Variants in MAST4 observed in about 807,000 individuals in gnomAD.
MAST4 encodes microtubule associated serine/threonine kinase family member 4, also known as microtubule-associated serine/threonine-protein kinase 4.
Under a neutral mutation model 162.7 loss-of-function variants are expected in MAST4, and 89 were observed. The ratio of observed to expected loss-of-function variants is 0.55; its 90% CI spans 0.46 to 0.65. The LOEUF (loss-of-function observed/expected upper bound fraction) is 0.65. Ranked by LOEUF, MAST4 falls within the 30% of genes least tolerant of loss-of-function variation. The pLI, the probability that MAST4 is intolerant of heterozygous loss-of-function variation, is 0.00. For missense variants in MAST4, 3,153 were observed against 3,374.0 expected, an observed-to-expected ratio of 0.93 and a Z score of 1.62; for synonymous variants, 1,479 against 1,361.1, an observed-to-expected ratio of 1.09 and a Z score of -1.91.
chr5:67,026,796 AT>A (rs1364438837), intron 4 of MAST4, among the ~76,000 whole-genome samples: 2 of 152,086 alleles, frequency 1.3e-5, no homozygotes, highest in Admixed American at 1.3e-4. Context: ...AAAACAATTC[AT>A]TTTTTAATGA....
At chr5:66,974,324 G>A (rs1036646523) in intron 4 of MAST4, among the ~76,000 whole-genome samples, 10 of 152,182 alleles carry the variant, frequency 6.6e-5, no homozygotes, top group Non-Finnish European at 1.3e-4. Context: ...ACAACTACTT[G>A]TTATAGAAAT....
chr5:66,885,905 T>C (rs528354626), intron 3 of MAST4, among the ~76,000 whole-genome samples: 1 of 152,336 alleles, frequency 6.6e-6, no homozygotes, highest in Admixed American at 6.5e-5. Flanking sequence ...AGAATAATAA[T>C]CTAGTATTAG....
chr5:67,012,118 T>A (rs1185435104), intron 4 of MAST4, among the ~76,000 whole-genome samples: 1 of 152,178 alleles, frequency 6.6e-6, no homozygotes, highest in South Asian at 2.1e-4. Flanking sequence ...ATGGTTTTGC[T>A]TGCTTCTCTT....
intron 4 of MAST4, chr5:67,005,085 G>A (rs1751840236): frequency 1.3e-6 from 1 of 758,332 alleles, no homozygotes; most frequent in Non-Finnish European, 2.5e-6. Flanking sequence ...CGAACACAAA[G>A]GTAAAAACGC....
chr5:66,907,587 C>CGTGTGTGTGT (rs59273615), intron 4 of MAST4, among the ~76,000 whole-genome samples: 3 of 144,238 alleles, frequency 2.1e-5, no homozygotes, highest in East Asian at 2.1e-4. Flanking sequence ...TAGGTTGATG[C>CGTGTGTGTGT]GTGTGTGTGT....
At chr5:66,692,777 C>A (rs12516479) in intron 1 of MAST4, among the ~76,000 whole-genome samples, 1 of 151,850 alleles carries the variant, frequency 6.6e-6, no homozygotes, top group Admixed American at 6.6e-5. Flanking sequence ...TTGCTATGTC[C>A]TCACTTGGTG....
At chr5:66,720,923 G>A (rs920396726) in intron 1 of MAST4, among the ~76,000 whole-genome samples, 6 of 152,076 alleles carry the variant, frequency 3.9e-5, no homozygotes, top group Admixed American at 2.6e-4. Context: ...AGAAGAGAGC[G>A]TCCAGAGACT....
chr5:67,120,654 C>G (rs1198023770), intron 13 of MAST4, among the ~76,000 whole-genome samples: 2 of 152,122 alleles, frequency 1.3e-5, no homozygotes, highest in African/African-American at 4.8e-5. Flanking sequence ...TAGAGCCACT[C>G]CGGCCCATTC....
At chr5:66,848,822 C>A (rs945332794) in intron 3 of MAST4, among the ~76,000 whole-genome samples, 16 of 152,176 alleles carry the variant, frequency 1.1e-4, no homozygotes, top group Admixed American at 7.2e-4. Context: ...GACCCTCTTG[C>A]CAGACCACAT....
chr5:67,142,148 T>G lies in MAST4; in HGVS notation c.2528T>G (p.Phe843Cys), dbSNP rs1251235313. Residue 843 changes from phenylalanine (F) to cysteine (C), a missense_variant, in exon 20 of 29, where the codon TTC (phenylalanine) becomes TGC (cysteine). Physicochemically the swap from Phe to Cys is radical, Grantham distance 205 (BLOSUM62 -2). Around this residue, in one of 7 missense-constraint regions of MAST4, gnomAD observed 62 missense variants for 63.1 expected, o/e 0.98. Coordinates refer to ENST00000403625, the MANE Select transcript of MAST4 (RefSeq NM_001164664.2). ...TATGAAGTCAAACAGCATCGATTCT[T>G]CCGTTCTTTAGACTGGAACAGTTTG... ...GAYEVKQHRFFRSLDWNSLLR... is the reference protein window; with the variant it reads ...GAYEVKQHRFCRSLDWNSLLR... The G allele has an allele frequency of 6.2e-7, 1 of 1,613,992 alleles. No individual in the cohort carries two copies. Among genetic ancestry groups the G allele is most frequent in the Admixed American group, 1.7e-5 (1 of 60,030 alleles).
At chr5:66,998,485 T>G (rs1344354363) in intron 4 of MAST4, among the ~76,000 whole-genome samples, 1 of 152,230 alleles carries the variant, frequency 6.6e-6, no homozygotes, top group East Asian at 1.9e-4. Context: ...GTACAGCTTA[T>G]ATAGATAATG....
At chr5:66,954,007 T>C (rs971324044) in intron 4 of MAST4, among the ~76,000 whole-genome samples, 4 of 152,130 alleles carry the variant, frequency 2.6e-5, no homozygotes, top group African/African-American at 9.7e-5. Context: ...AAACCATTCC[T>C]CTGGGTTTGT....
chr5:66,603,980 G>A (rs1266981648), intron 1 of MAST4, among the ~76,000 whole-genome samples: 1 of 152,196 alleles, frequency 6.6e-6, no homozygotes, highest in Non-Finnish European at 1.5e-5. Flanking sequence ...CAGCTGCTGC[G>A]CATTTGTGTT....
intron 4 of MAST4, among the ~76,000 whole-genome samples, chr5:66,980,896 G>T (rs1748724844): frequency 6.6e-6 from 1 of 152,142 alleles, no homozygotes. Context: ...TCTGACGTTG[G>T]CAAAGAGCCT....
intron 5 of MAST4, among the ~76,000 whole-genome samples, chr5:67,066,800 T>C (rs537616042): frequency 2.0e-5 from 3 of 152,364 alleles, no homozygotes; most frequent in African/African-American, 7.2e-5. Context: ...CTTTCCATTA[T>C]TTCCTTACTT....
At chr5:66,673,516 G>GTTTTTTTTTT (rs1422436456) in intron 1 of MAST4, among the ~76,000 whole-genome samples, 4 of 134,784 alleles carry the variant, frequency 3.0e-5, no homozygotes, top group Non-Finnish European at 4.6e-5. Flanking sequence ...AGTTTTTTTT[G>GTTTTTTTTTT]TTTTTTGTTT....
At chr5:67,147,225 A>G (rs1290472597) in intron 23 of MAST4, among the ~76,000 whole-genome samples, 1 of 152,198 alleles carries the variant, frequency 6.6e-6, no homozygotes, top group Admixed American at 6.5e-5. Flanking sequence ...GGGGCTGTGC[A>G]GAATAGAGAG....
intron 4 of MAST4, among the ~76,000 whole-genome samples, chr5:67,048,978 T>C (rs1757709648): frequency 8.7e-6 from 1 of 115,540 alleles, no homozygotes; most frequent in Non-Finnish European, 1.8e-5. Flanking sequence ...AGCATATATA[T>C]ATATATATGT....
intron 11 of MAST4, among the ~76,000 whole-genome samples, chr5:67,113,314 A>AG: frequency 8.2e-5 from 1 of 12,246 alleles, no homozygotes; most frequent in Non-Finnish European, 3.9e-4. Flanking sequence ...ACTCCGTCTC[A>AG]AAAAAAAAAA....
Sources: gnomAD v4.1 joint callset for allele counts (sites outside exome capture counted in the v4.1 genomes callset) on GRCh38, gnomAD v4.1.1 for gene constraint, gnomAD v4.1.1 regional missense constraint, MANE v1.5 for transcripts, NCBI Gene and HGNC (gene_info 2026-07-23, HGNC 2026-07-21) for gene names.